PIK3C2G: variants seen among roughly 807,000 people sequenced by gnomAD.
The protein encoded by PIK3C2G is phosphatidylinositol-4-phosphate 3-kinase catalytic subunit type 2 gamma.
PIK3C2G carries 168 observed loss-of-function variants against 181.1 expected under a neutral mutation model. The ratio of observed to expected loss-of-function variants is 0.93; its 90% CI spans 0.82 to 1.05. The LOEUF (loss-of-function observed/expected upper bound fraction) is 1.05, where lower values mean the gene tolerates loss of function less well. Ranked by LOEUF, PIK3C2G falls within the 50% of genes least tolerant of loss-of-function variation. PIK3C2G has a pLI of 0.00. For missense variants in PIK3C2G, 1,869 were observed against 1,732.8 expected (o/e 1.08, Z -1.40); for synonymous variants, 573 against 592.2 (o/e 0.97, Z 0.47).
chr12:18,308,328 A>G lies in PIK3C2G; in HGVS notation c.1035-5634A>G, dbSNP rs562121440. Reference sequence around the variant, plus strand: ...AGAATTCTGGAACTAACAATAAGCCAGCATTCAAGGACAATGTAAAAATAG... The same window carrying G: ...AGAATTCTGGAACTAACAATAAGCCGGCATTCAAGGACAATGTAAAAATAG... On this transcript the variant is annotated intron_variant, in intron 5 of 32. Coordinates refer to ENST00000538779, the MANE Select transcript of PIK3C2G (RefSeq NM_001288772.2). Among the ~76,000 whole-genome samples, 5 of 151,986 alleles carry G rather than the reference A, an allele frequency of 3.3e-5. No individual in the cohort carries two copies. The South Asian group carries it at 1.0e-3, about 31-fold the overall frequency.
In PIK3C2G at chr12:18,427,632, A is replaced by T. The variant is rs1945910263; in HGVS notation, c.2504+3593A>T. ...TAAGTTCTTCATTTGCTAAAGTTGT[A>T]TGAAAAGTGGAGTCATTTGAAAGGC... On this transcript the variant is annotated intron_variant, in intron 18 of 32. Transcript: ENST00000538779. Among the ~76,000 whole-genome samples, 3 of 152,174 alleles carry T rather than the reference A, an allele frequency of 2.0e-5. No homozygotes were observed. The South Asian group carries it at 6.2e-4, about 32-fold the overall frequency.
intron 12 of PIK3C2G, among the ~76,000 whole-genome samples, chr12:18,363,834 A>T (rs2137813723): frequency 6.6e-6 from 1 of 152,256 alleles, no homozygotes; most frequent in East Asian, 1.9e-4. Flanking sequence ...ATGGCATGTG[A>T]CCTTCAATTC....
Position 18,282,071 on chromosome 12 carries a change from T to A in PIK3C2G, c.-11T>A. On this transcript the variant is annotated 5_prime_UTR_variant, in exon 2 of 33. Coordinates refer to ENST00000538779, the MANE Select transcript of PIK3C2G (RefSeq NM_001288772.2). ...AGCAGAGTCAACCCTCTCAGTTACA[T>A]AAAATAAAAAATGGCATATTCTTGG... 6.5e-7 allele frequency: 1 copy of A among 1,542,914 alleles called. No homozygotes were observed. Among genetic ancestry groups the A allele is most frequent in the Non-Finnish European group, 8.8e-7 (1 of 1,131,942 alleles).
At chr12:18,457,259 C>T (rs1947680662) in intron 18 of PIK3C2G, among the ~76,000 whole-genome samples, 1 of 152,128 alleles carries the variant, frequency 6.6e-6, no homozygotes, top group African/African-American at 2.4e-5. Flanking sequence ...TAGTTAAGTG[C>T]TTTCCTTTGA....
chr12:18,311,804 A>G (rs1006543193), intron 5 of PIK3C2G, among the ~76,000 whole-genome samples: 3 of 152,092 alleles, frequency 2.0e-5, no homozygotes, highest in African/African-American at 7.2e-5. Context: ...ATTGACTTAC[A>G]CTGTCACAAG....
chr12:18,564,832 T>A (rs1945537426), intron 28 of PIK3C2G, among the ~76,000 whole-genome samples: 1 of 152,174 alleles, frequency 6.6e-6, no homozygotes, highest in Non-Finnish European at 1.5e-5. Context: ...TTGAGAAGAA[T>A]ATGTTAATCT....
intron 25 of PIK3C2G, among the ~76,000 whole-genome samples, chr12:18,541,723 T>C (rs1355238081): frequency 6.6e-6 from 1 of 151,904 alleles, no homozygotes; most frequent in African/African-American, 2.4e-5. Flanking sequence ...TAGCTTCCCT[T>C]TCCCTTGGTA....
At position 18,563,485 on chromosome 12, in the gene PIK3C2G, C is replaced by A; in HGVS notation, c.3889C>A (p.Leu1297Met). Reference protein sequence around the residue: ...HSQLQKQFASLTLPEFPHWWH... With the variant: ...HSQLQKQFASMTLPEFPHWWH... ...CCAACTTCAGAAGCAGTTTGCATCA[C>A]TGACTCTCCCAGAGTAAGGCACTGT... Residue 1297 changes from leucine (L) to methionine (M), a missense_variant, in exon 28 of 33, where the codon CTG becomes ATG. Coordinates refer to ENST00000538779, the MANE Select transcript of PIK3C2G (RefSeq NM_001288772.2). 1 of 1,613,760 alleles carries A rather than the reference C, an allele frequency of 6.2e-7. No homozygotes were observed. The highest frequency in any genetic ancestry group is 1.1e-5 in the South Asian group (1 of 91,076).
the PIK3C2G span, among the ~76,000 whole-genome samples, chr12:18,681,864 C>A: frequency 6.6e-6 from 1 of 151,946 alleles, no homozygotes; most frequent in African/African-American, 2.4e-5. Flanking sequence ...AATTAATGAA[C>A]TCTCTTGTAA....
At chr12:18,703,044 T>C in the PIK3C2G span, among the ~76,000 whole-genome samples, 1 of 152,094 alleles carries the variant, frequency 6.6e-6, no homozygotes, top group East Asian at 1.9e-4. Flanking sequence ...GAAAGCTATG[T>C]ACGGGAATGC....
At chr12:18,532,641 C>G (rs540610474) in intron 24 of PIK3C2G, among the ~76,000 whole-genome samples, 3 of 152,118 alleles carry the variant, frequency 2.0e-5, no homozygotes, top group African/African-American at 7.2e-5. Context: ...TTGTGTGGGT[C>G]TGTTTCTATA....
intron 32 of PIK3C2G, among the ~76,000 whole-genome samples, chr12:18,646,601 G>C (rs1433385966): frequency 6.6e-6 from 1 of 152,128 alleles, no homozygotes; most frequent in South Asian, 2.1e-4. Context: ...AGTGAACTCA[G>C]AGGGCTGCCC....
intron 29 of PIK3C2G, among the ~76,000 whole-genome samples, chr12:18,589,557 T>C (rs1430214213): frequency 6.6e-6 from 1 of 151,884 alleles, no homozygotes; most frequent in Non-Finnish European, 1.5e-5. Context: ...GCTATTCAAA[T>C]CAGGGCATTT....
chr12:18,671,587 G>A, the PIK3C2G span, among the ~76,000 whole-genome samples: 5 of 152,224 alleles, frequency 3.3e-5, no homozygotes, highest in East Asian at 7.7e-4. Context: ...TTTCTCAGGT[G>A]TACTAGGCAC....
intron 18 of PIK3C2G, among the ~76,000 whole-genome samples, chr12:18,441,456 TAGAG>T (rs1396363537): frequency 6.6e-6 from 1 of 152,048 alleles, no homozygotes; most frequent in Non-Finnish European, 1.5e-5. Context: ...AAAAATCAAA[TAGAG>T]AGGGCAACAT....
intron 9 of PIK3C2G, among the ~76,000 whole-genome samples, chr12:18,341,836 T>C (rs1428109700): frequency 6.6e-6 from 1 of 152,176 alleles, no homozygotes; most frequent in Non-Finnish European, 1.5e-5. Flanking sequence ...TTTCTTTTTC[T>C]TGGCTGCATT....
At chr12:18,472,637 T>G (rs961125800) in intron 18 of PIK3C2G, among the ~76,000 whole-genome samples, 47 of 152,184 alleles carry the variant, frequency 3.1e-4, no homozygotes, top group African/African-American at 1.1e-3. Flanking sequence ...AGCAAATAAT[T>G]TTTTCTCTCT....
chr12:18,569,834 CT>C (rs1210558653), intron 29 of PIK3C2G, among the ~76,000 whole-genome samples: 2 of 152,124 alleles, frequency 1.3e-5, no homozygotes, highest in Non-Finnish European at 2.9e-5. Flanking sequence ...AGCTTGAACA[CT>C]TTTTGATATG....
chr12:18,616,213 G>C (rs774531407), intron 31 of PIK3C2G, among the ~76,000 whole-genome samples: 34 of 152,030 alleles, frequency 2.2e-4, no homozygotes, highest in South Asian at 1.0e-3. Flanking sequence ...TTAAAACTTG[G>C]ATTATCTTAA....
Sources: gnomAD v4.1 joint callset for allele counts (sites outside exome capture counted in the v4.1 genomes callset) on GRCh38, gnomAD v4.1.1 for gene constraint, MANE v1.5 for transcripts, NCBI Gene and HGNC (gene_info 2026-07-23, HGNC 2026-07-21) for gene names.